MED24: variants seen among roughly 807,000 people sequenced by gnomAD.
MED24 encodes the protein mediator complex subunit 24, also known as mediator of RNA polymerase II transcription subunit 24.
MED24 carries 74 observed loss-of-function variants against 118.8 expected under a neutral mutation model. The observed-to-expected ratio is 0.62, with a 90% CI of 0.52 to 0.76. The LOEUF (loss-of-function observed/expected upper bound fraction) is 0.76, where lower values mean the gene tolerates loss of function less well. MED24 is among the 30% of genes least tolerant of loss of function. The pLI, the probability that MED24 is intolerant of heterozygous loss-of-function variation, is 0.00. For missense variants in MED24, 1,041 were observed against 1,278.9 expected, an observed-to-expected ratio of 0.81 and a Z score of 2.84; for synonymous variants, 521 against 523.9, an observed-to-expected ratio of 0.99 and a Z score of 0.08.
chr17:40,047,738 T>C (rs1341048306), intron 3 of MED24, among the ~76,000 whole-genome samples: 1 of 151,788 alleles, frequency 6.6e-6, no homozygotes, highest in African/African-American at 2.4e-5. Context: ...CTTAAGATGT[T>C]TGTATGTTCT....
chr17:40,026,436 G>A (rs973360679), intron 18 of MED24, 105 bp from the exon 19 acceptor site: 13 of 1,405,576 alleles, frequency 9.2e-6, no homozygotes, highest in Middle Eastern at 1.9e-4. Context: ...GTGGAGTCCC[G>A]GGCCACATTC....
At chr17:40,036,009 A>C (rs1280863075) in intron 4 of MED24, 107 bp downstream of exon 4, 15 of 1,323,636 alleles carry the variant, frequency 1.1e-5, no homozygotes, top group Non-Finnish European at 1.6e-5. Context: ...AGCCAGAGGC[A>C]TCATGTGCTG....
At chr17:40,019,752 C>T in intron 25 of MED24, 33 bp downstream of exon 25, 1 of 1,607,660 alleles carries the variant, frequency 6.2e-7, no homozygotes, top group Non-Finnish European at 8.5e-7. Flanking sequence ...GAGGCCCCAG[C>T]ACCAGCAGGA....
chr17:40,022,631 G>A lies in MED24; in HGVS notation c.2432+14C>T. The A allele has an allele frequency of 6.2e-7, 1 of 1,612,894 alleles. No homozygotes were observed. The highest frequency in any genetic ancestry group is 8.5e-7 in the Non-Finnish European group (1 of 1,179,904). ...GGGTGGCCGGAGCAGGGCAAGCTCT[G>A]AAGAGAATCTTACTTGGCAAGAGCA... On this transcript the variant is annotated intron_variant, in intron 21 of 25. Coordinates refer to ENST00000394128, the MANE Select transcript of MED24 (RefSeq NM_014815.4).
At position 40,032,714 on chromosome 17, in the gene MED24, C is replaced by G. The variant is rs372930510; in HGVS notation, c.871G>C (p.Val291Leu). ...CCCTCGGGAGACTCAATGAGCCCCA[C>G]GAAGCAAGCTTTCCAGATCTCCAGG... ...FVLEIWKACF[V>L]GLIESPEGTE... is the part of the protein sequence containing the mutation. Residue 291 changes from valine to leucine, a missense_variant, in exon 9 of 26, where the codon GTG becomes CTG. This residue lies in a region of MED24 where 434 missense variants were observed against 514.9 expected (regional missense o/e 0.84). Coordinates refer to ENST00000394128, the MANE Select transcript of MED24 (RefSeq NM_014815.4). 2 of 1,613,738 alleles carry G rather than the reference C, an allele frequency of 1.2e-6. No individual in the cohort carries two copies. The highest frequency in any genetic ancestry group is 1.7e-6 in the Non-Finnish European group (2 of 1,179,982).
chr17:40,048,678 T>C (rs967931044), intron 3 of MED24, among the ~76,000 whole-genome samples: 1 of 151,940 alleles, frequency 6.6e-6, no homozygotes, highest in African/African-American at 2.4e-5. Flanking sequence ...CTCAGCCTCC[T>C]GAGTAGCTGG....
At chr17:40,049,055 C>A (rs1325327828) in intron 3 of MED24, among the ~76,000 whole-genome samples, 1 of 151,842 alleles carries the variant, frequency 6.6e-6, no homozygotes, top group African/African-American at 2.4e-5. Flanking sequence ...GTAAAGGGGT[C>A]CAGGGACTGA....
At chr17:40,037,080 C>CT (rs1984024677) in intron 3 of MED24, among the ~76,000 whole-genome samples, 1 of 152,090 alleles carries the variant, frequency 6.6e-6, no homozygotes, top group South Asian at 2.1e-4. Flanking sequence ...ACTTGGGAGG[C>CT]TGAGGCAGGA....
At position 40,019,389 on chromosome 17, in the gene MED24, G is replaced by C. The variant is rs1415641561; in HGVS notation, c.*140C>G. 2.9e-6 allele frequency: 2 copies of C among 697,998 alleles called. No individual in the cohort carries two copies. Among genetic ancestry groups the C allele is most frequent in the African/African-American group, 3.6e-5 (2 of 55,288 alleles). 43.2% of individuals were successfully genotyped at this position (697,998 alleles called of 1,614,324 possible). A position where few individuals can be genotyped will look rare whatever the true frequency, so the allele number is the denominator to read the frequency against. On this transcript the variant is annotated 3_prime_UTR_variant, in exon 26 of 26. Transcript: ENST00000394128. ...TCCTGGAGGTCAGGAGTCAGGAGCG[G>C]GGAACTGGAAGCCGCTAGAGGCTCT...
chr17:40,036,492 C>T (rs1983949987), intron 3 of MED24, among the ~76,000 whole-genome samples: 1 of 152,056 alleles, frequency 6.6e-6, no homozygotes, highest in Admixed American at 6.6e-5. Flanking sequence ...AGTTTGAGAC[C>T]ATCCCGCCCA....
chr17:40,023,983 T>C (rs1055012721), intron 19 of MED24, among the ~76,000 whole-genome samples: 2 of 152,122 alleles, frequency 1.3e-5, no homozygotes, highest in Non-Finnish European at 2.9e-5. Flanking sequence ...CTGGGAAAGT[T>C]GCTATGACCT....
rs1435333636 is a variant in MED24, at chr17:40,033,724, T to A, written c.560-268A>T. 5.1e-6 allele frequency: 3 copies of A among 593,966 alleles called. No individual in the cohort carries two copies. Among genetic ancestry groups the A allele is most frequent in the Non-Finnish European group, 9.5e-6 (3 of 316,530 alleles). 36.8% of individuals were successfully genotyped at this position (593,966 alleles called of 1,614,324 possible). A position where few individuals can be genotyped will look rare whatever the true frequency, so the allele number is the denominator to read the frequency against. On this transcript the variant is annotated intron_variant, in intron 6 of 25. Transcript: ENST00000394128. The surrounding 1 kb of genome is among the most constrained non-coding windows in gnomAD (Gnocchi z 5.2). Reference sequence around the variant, plus strand: ...CCAGCTGACTTCAGAAGGTATGGCATCACACAGGCTCAGGAGAGAGAGGCA... The same window carrying A: ...CCAGCTGACTTCAGAAGGTATGGCAACACACAGGCTCAGGAGAGAGAGGCA...
At chr17:40,047,016 G>A (rs1985302756) in intron 3 of MED24, among the ~76,000 whole-genome samples, 1 of 152,040 alleles carries the variant, frequency 6.6e-6, no homozygotes, top group South Asian at 2.1e-4. Flanking sequence ...CCTGAGGTAG[G>A]AGGATTACTT....
In MED24 at chr17:40,021,956, G is replaced by C; in HGVS notation, c.2622C>G (p.Pro874=). The C allele has an allele frequency of 6.3e-7, 1 of 1,594,176 alleles. No homozygotes were observed. The highest frequency in any genetic ancestry group is 8.6e-7 in the Non-Finnish European group (1 of 1,169,090). Residue 874 remains proline (P), a splice_region_variant and synonymous_variant, in exon 23 of 26, where the codon CCC becomes CCG. Transcript: ENST00000394128. Reference sequence around the variant, plus strand: ...CGCGCGGCCAGCCCACACACTCACTGGGGCTCGAAAGGATGTTGGCATCGT... The same window carrying C: ...CGCGCGGCCAGCCCACACACTCACTCGGGCTCGAAAGGATGTTGGCATCGT... The part of the protein sequence containing the change: ...NEDDANILSS[P]TDRSMSSSLS...
Position 40,033,149 on chromosome 17 carries a change from A to G in MED24, c.729T>C (p.Thr243=). The G allele has an allele frequency of 5.6e-6, 9 of 1,614,144 alleles. No individual in the cohort carries two copies. The highest frequency in any genetic ancestry group is 6.8e-6 in the Non-Finnish European group (8 of 1,180,030). The part of the protein sequence containing the change: ...AEQMHKTGFP[T]VHAVILLEGT... ...CCTCGAGCAGGATCACGGCGTGGAC[A>G]GTGGGGAAGCCGGTCTTGTGCATCT... is the stretch of plus-strand genomic sequence containing the variant. The change falls in exon 8 of 26, where the codon ACT becomes ACC. Residue 243 remains threonine, a synonymous_variant. Transcript: ENST00000394128. The surrounding 1 kb of genome is among the most constrained non-coding windows in gnomAD (Gnocchi z 5.2).
chr17:40,027,782 G>T (rs1174721085), intron 15 of MED24, 127 bp downstream of exon 15: 2 of 1,059,856 alleles, frequency 1.9e-6, no homozygotes, highest in Non-Finnish European at 2.9e-6. Flanking sequence ...GCTTCCATTG[G>T]TCATGGCTCT....
chr17:40,030,745 G>A (rs1983274473), intron 12 of MED24, among the ~76,000 whole-genome samples: 1 of 151,620 alleles, frequency 6.6e-6, no homozygotes, highest in Admixed American at 6.6e-5. Flanking sequence ...CACAATCTCC[G>A]CCTCCTGGGT....
intron 22 of MED24, 120 bp downstream of exon 22, chr17:40,022,274 A>T: frequency 8.9e-7 from 1 of 1,124,390 alleles, no homozygotes; most frequent in Non-Finnish European, 1.3e-6. Context: ...AATCATGCCC[A>T]GGCACAGCTG....
intron 19 of MED24, among the ~76,000 whole-genome samples, chr17:40,025,524 AG>A (rs1369980599): frequency 2.0e-5 from 3 of 152,192 alleles, no homozygotes; most frequent in African/African-American, 7.2e-5. Flanking sequence ...AGTTACCAGG[AG>A]CTGGAGGGAG....
Sources: gnomAD v4.1 joint callset for allele counts (sites outside exome capture counted in the v4.1 genomes callset) on GRCh38, gnomAD v4.1.1 for gene constraint, gnomAD v4.1.1 regional missense constraint, Gnocchi (gnomAD v3.1) non-coding constraint, MANE v1.5 for transcripts, NCBI Gene and HGNC (gene_info 2026-07-23, HGNC 2026-07-21) for gene names.